Variants in MARCHF1 observed in about 807,000 individuals in gnomAD.
The protein encoded by MARCHF1 is membrane associated ring-CH-type finger 1, also known as E3 ubiquitin-protein ligase MARCHF1.
A neutral mutation model predicts 54.2 loss-of-function variants in MARCHF1; 40 were observed. That is an observed-to-expected ratio of 0.74 (90% CI 0.57 to 0.96). The LOEUF (loss-of-function observed/expected upper bound fraction) is 0.96, where lower values mean the gene tolerates loss of function less well. Among genes scored for constraint, MARCHF1 ranks in the 40% least tolerant of loss-of-function variants. The pLI is 0.00. For missense variants in MARCHF1, 586 were observed against 656.5 expected, an observed-to-expected ratio of 0.89 and a Z score of 1.17; for synonymous variants, 236 against 236.3, an observed-to-expected ratio of 1.00 and a Z score of 0.01.
rs756409063 is a variant in MARCHF1 at position 164,005,450 on chromosome 4, A to C, written c.-247-16741T>G. Among the ~76,000 whole-genome samples, 12 of 152,286 alleles carry C rather than the reference A, an allele frequency of 7.9e-5. No individual in the cohort carries two copies. The East Asian group carries it at 1.9e-3, about 25-fold the overall frequency. ...CAGCAAGTGAACAAACTCTGAGCAGATGGTAGGATAGTTGGACTTCCACAT... is the reference window on the plus strand; with the variant it reads ...CAGCAAGTGAACAAACTCTGAGCAGCTGGTAGGATAGTTGGACTTCCACAT... On this transcript the variant is annotated intron_variant, in intron 2 of 9. Coordinates refer to ENST00000514618, the MANE Select transcript of MARCHF1 (RefSeq NM_001394959.1).
intron 7 of MARCHF1, among the ~76,000 whole-genome samples, chr4:163,593,764 G>A (rs970797297): frequency 2.0e-5 from 3 of 152,092 alleles, no homozygotes; most frequent in Admixed American, 1.3e-4. Flanking sequence ...TTAGAAATAC[G>A]CCTTTGCATA....
intron 3 of MARCHF1, among the ~76,000 whole-genome samples, chr4:163,973,037 T>C (rs564153811): frequency 6.6e-6 from 1 of 152,290 alleles, no homozygotes; most frequent in South Asian, 2.1e-4. Flanking sequence ...TTAAAATAGA[T>C]TGTCACATCC....
chr4:163,962,329 G>A (rs1324080097), intron 3 of MARCHF1, among the ~76,000 whole-genome samples: 1 of 151,850 alleles, frequency 6.6e-6, no homozygotes, highest in East Asian at 1.9e-4. Context: ...CCTTGTGCTA[G>A]GTTCTAGTAA....
At chr4:164,100,076 G>T (rs1244625891) in intron 2 of MARCHF1, among the ~76,000 whole-genome samples, 1 of 152,096 alleles carries the variant, frequency 6.6e-6, no homozygotes, top group Non-Finnish European at 1.5e-5. Flanking sequence ...TCCTTTTAAA[G>T]ACTTCTAATT....
At chr4:164,178,624 A>C (rs1159823304) in intron 1 of MARCHF1, among the ~76,000 whole-genome samples, 1 of 152,156 alleles carries the variant, frequency 6.6e-6, no homozygotes, top group Non-Finnish European at 1.5e-5. Context: ...CTGAGTACTG[A>C]TGGTACTGTT....
chr4:164,289,971 T>C (rs915603840), intron 1 of MARCHF1, among the ~76,000 whole-genome samples: 2 of 151,910 alleles, frequency 1.3e-5, no homozygotes, highest in African/African-American at 2.4e-5. Flanking sequence ...TGTATTCCCC[T>C]AAGGCTTCTC....
intron 4 of MARCHF1, among the ~76,000 whole-genome samples, chr4:163,817,759 C>T (rs1748580763): frequency 6.6e-6 from 1 of 151,716 alleles, no homozygotes; most frequent in African/African-American, 2.4e-5. Context: ...GGCACATATA[C>T]ACCACGGAAT....
intron 5 of MARCHF1, among the ~76,000 whole-genome samples, chr4:163,666,091 G>C (rs901455003): frequency 3.9e-5 from 6 of 152,076 alleles, no homozygotes; most frequent in Non-Finnish European, 7.4e-5. Flanking sequence ...TCTAAATATG[G>C]AGAACAAGCC....
chr4:163,719,957 T>C (rs1320246209), intron 4 of MARCHF1, among the ~76,000 whole-genome samples: 1 of 151,968 alleles, frequency 6.6e-6, no homozygotes, highest in Non-Finnish European at 1.5e-5. Flanking sequence ...ATTGCAAACA[T>C]TTTCTCCCAT....
chr4:164,356,071 A>G (rs1251857214), intron 1 of MARCHF1, among the ~76,000 whole-genome samples: 1 of 136,682 alleles, frequency 7.3e-6, no homozygotes, highest in South Asian at 2.3e-4. Flanking sequence ...ATGAGACATC[A>G]TCTCACACCA....
At chr4:164,010,062 CT>C (rs35143590) in intron 2 of MARCHF1, among the ~76,000 whole-genome samples, 30,600 of 98,328 alleles carry the variant, frequency 0.31, 4,417 homozygotes, top group Non-Finnish European at 0.39. Flanking sequence ...TCAAAAAACT[CT>C]TTTTTTTTTT....
At chr4:164,329,500 C>T (rs1735370021) in intron 1 of MARCHF1, among the ~76,000 whole-genome samples, 1 of 152,200 alleles carries the variant, frequency 6.6e-6, no homozygotes, top group Admixed American at 6.5e-5. Context: ...GCCCCATCTA[C>T]TGATTGTATT....
At chr4:163,913,185 G>C (rs1751232770) in intron 3 of MARCHF1, among the ~76,000 whole-genome samples, 1 of 152,132 alleles carries the variant, frequency 6.6e-6, no homozygotes, top group Admixed American at 6.5e-5. Flanking sequence ...AAATGCATCA[G>C]AGTGGTAAAA....
In MARCHF1 at chr4:163,527,738, A is replaced by ATAGTT. The variant is rs1553988783; in HGVS notation, c.*1005_*1009dup. 1 of 149,970 alleles carries ATAGTT rather than the reference A, an allele frequency of 6.7e-6. No homozygotes were observed. The highest frequency in any genetic ancestry group is 1.5e-5 in the Non-Finnish European group (1 of 67,316). The allele number at this position is 149,970 out of a possible 1,614,324, so 9.3% of individuals were successfully genotyped here. A position where few individuals can be genotyped will look rare whatever the true frequency, so the allele number is the denominator to read the frequency against. On this transcript the variant is annotated 3_prime_UTR_variant, in exon 10 of 10. Coordinates refer to ENST00000514618, the MANE Select transcript of MARCHF1 (RefSeq NM_001394959.1). ...TAATTTTACGGCTGTGCTATCCAATATAGTTAATTCAAGTTGAAGTGTACT... is the reference window on the plus strand; with the variant it reads ...TAATTTTACGGCTGTGCTATCCAATATAGTTTAGTTAATTCAAGTTGAAGTGTACT...
chr4:163,699,401 G>A (rs1744735917), intron 5 of MARCHF1, among the ~76,000 whole-genome samples: 1 of 152,178 alleles, frequency 6.6e-6, no homozygotes, highest in Non-Finnish European at 1.5e-5. Flanking sequence ...CAGTGTGTGT[G>A]CAGATGTTAT....
chr4:164,371,214 G>A (rs186398828), intron 1 of MARCHF1, among the ~76,000 whole-genome samples: 263 of 152,194 alleles, frequency 1.7e-3, no homozygotes, highest in Admixed American at 3.2e-3. Context: ...TTTGTGGTGG[G>A]GGGATGGGTT....
intron 1 of MARCHF1, among the ~76,000 whole-genome samples, chr4:164,356,867 T>C (rs1288681031): frequency 6.6e-6 from 1 of 151,132 alleles, no homozygotes; most frequent in East Asian, 2.0e-4. Context: ...ATTAGTGGTT[T>C]ATCATGCTCT....
intron 2 of MARCHF1, among the ~76,000 whole-genome samples, chr4:164,070,155 T>C (rs1430988): frequency 0.73 from 110,638 of 152,098 alleles, 40,779 homozygotes; most frequent in Non-Finnish European, 0.79. Flanking sequence ...GAAAAACTAT[T>C]TTTCAGGTAC....
chr4:164,176,980 C>CTCTATATATATATATA (rs1466683245), intron 1 of MARCHF1, among the ~76,000 whole-genome samples: 8 of 58,908 alleles, frequency 1.4e-4, no homozygotes, highest in African/African-American at 5.8e-4. Flanking sequence ...CTCTCTCTCT[C>CTCTATATATATATATA]TATATATATA....
Sources: allele counts gnomAD v4.1 joint callset (sites outside exome capture counted in the v4.1 genomes callset), GRCh38; gene constraint gnomAD v4.1.1; transcripts MANE v1.5; gene names NCBI Gene and HGNC (gene_info 2026-07-23, HGNC 2026-07-21).